GJC1: variants seen among roughly 807,000 people sequenced by gnomAD.
The protein encoded by GJC1 is gap junction gamma-1 protein.
In GJC1, 5 loss-of-function variants were observed where a neutral mutation model predicts 29.3. That is an observed-to-expected ratio of 0.17 (90% CI 0.09 to 0.36). GJC1 has a LOEUF of 0.36. GJC1 is among the 10% of genes least tolerant of loss of function. The pLI, the probability that GJC1 is intolerant of heterozygous loss-of-function variation, is 1.00. For synonymous variants in GJC1, 177 were observed against 183.3 expected, an observed-to-expected ratio of 0.97 and a Z score of 0.28; for missense variants, 310 against 496.2, an observed-to-expected ratio of 0.62 and a Z score of 3.56.
chr17:44,830,807 G>C (rs1020556527), upstream of GJC1: 1 of 397,944 alleles, frequency 2.5e-6, no homozygotes, highest in African/African-American at 2.1e-5. This position sits in a 1 kb window ranked among gnomAD's most constrained non-coding sequence, Gnocchi z 4.3. Context: ...GGGGCTCTTA[G>C]CAGTGCTCTA....
Position 44,801,956 on chromosome 17 carries a change from CA to C in GJC1, c.*2670del, listed in dbSNP as rs1222590765. The C allele has an allele frequency of 6.6e-6, 1 of 152,068 alleles. No individual in the cohort carries two copies. The highest frequency in any genetic ancestry group is 1.5e-5 in the Non-Finnish European group (1 of 68,032). 9.4% of individuals were successfully genotyped at this position (152,068 alleles called of 1,614,324 possible). On this transcript the variant is annotated 3_prime_UTR_variant, in exon 3 of 3. Transcript: ENST00000592524. ...TGTCATTAGGGGAGAATGACTTTGG[CA>C]AACTCATATGCTTCAAAGGCAGAAA...
chr17:44,827,351 A>C (rs1186267519), intron 1 of GJC1, among the ~76,000 whole-genome samples: 5 of 151,758 alleles, frequency 3.3e-5, no homozygotes, highest in African/African-American at 1.2e-4. Context: ...AAACAAACAA[A>C]AAAAAAAAAT....
In GJC1 at chr17:44,804,704, C is replaced by T; in HGVS notation, c.1114G>A (p.Val372Met). ...PHGPREKKAK[V>M]GSKAGSNKST... ...TTGTTGGACCCAGCTTTGGACCCCA[C>T]TTTGGCCTTCTTCTCCCGGGGACCA... Residue 372 changes from valine (V) to methionine (M), a missense_variant, in exon 3 of 3, where the codon GTG becomes ATG. Physicochemically the swap from Val to Met is conservative, Grantham distance 21 (BLOSUM62 1). Around this residue, in one of 4 missense-constraint regions of GJC1, gnomAD observed 146 missense variants for 165.0 expected, o/e 0.88. Coordinates refer to ENST00000592524, the MANE Select transcript of GJC1 (RefSeq NM_005497.4). The T allele has an allele frequency of 1.2e-6, 2 of 1,614,202 alleles. No individual in the cohort carries two copies. The highest frequency in any genetic ancestry group is 1.7e-6 in the Non-Finnish European group (2 of 1,180,036).
chr17:44,830,661 C>G (rs1268140090), upstream of GJC1: 1 of 398,524 alleles, frequency 2.5e-6, no homozygotes, highest in Non-Finnish European at 4.4e-6. This position sits in a 1 kb window ranked among gnomAD's most constrained non-coding sequence, Gnocchi z 4.3. Context: ...GTTGGTTTAG[C>G]GGGCCCAGAG....
In GJC1 at chr17:44,808,747, G is replaced by A. The variant is rs567854613; in HGVS notation, c.-96-1278C>T. Among the ~76,000 whole-genome samples, 8 of 152,152 alleles carry A rather than the reference G, an allele frequency of 5.3e-5. No individual in the cohort carries two copies. The South Asian group carries it at 6.2e-4, about 12-fold the overall frequency. On this transcript the variant is annotated intron_variant, in intron 1 of 2. Transcript: ENST00000592524. ...ACTGCACTCCAGCCTAGGTGACAGC[G>A]AAACCTCAAAAAATAAAGAAGCAAA... is the stretch of plus-strand genomic sequence containing the variant.
At chr17:44,794,683 G>A (rs566411698), downstream of GJC1, 5 of 152,288 alleles carry the variant, frequency 3.3e-5, no homozygotes, top group East Asian at 3.9e-4. Context: ...CCCCATGGTC[G>A]GGTCCCATTC....
At chr17:44,813,695 G>A (rs1269812961) in intron 1 of GJC1, among the ~76,000 whole-genome samples, 1 of 151,828 alleles carries the variant, frequency 6.6e-6, no homozygotes, top group Non-Finnish European at 1.5e-5. Flanking sequence ...GTTTCACCAT[G>A]TTGGCCAGGC....
chr17:44,814,875 G>A (rs372833872), intron 1 of GJC1, among the ~76,000 whole-genome samples: 4 of 151,962 alleles, frequency 2.6e-5, no homozygotes, highest in African/African-American at 9.7e-5. Context: ...CCGGGGGGCG[G>A]AGGTTGCAGT....
At chr17:44,810,581 G>A (rs1353000373) in intron 1 of GJC1, among the ~76,000 whole-genome samples, 1 of 152,016 alleles carries the variant, frequency 6.6e-6, no homozygotes, top group Non-Finnish European at 1.5e-5. Flanking sequence ...AATGAGTATC[G>A]CTACGGTCTA....
At chr17:44,795,246 G>A (rs1250734368), downstream of GJC1, 1 of 152,146 alleles carries the variant, frequency 6.6e-6, no homozygotes, top group Non-Finnish European at 1.5e-5. Context: ...TATTTATTTT[G>A]AGATGGAGTC....
At chr17:44,824,838 G>C (rs2145368282) in intron 1 of GJC1, among the ~76,000 whole-genome samples, 1 of 137,072 alleles carries the variant, frequency 7.3e-6, no homozygotes, top group East Asian at 2.1e-4. Flanking sequence ...TTAGTCAAGT[G>C]CAATAGTGAG....
chr17:44,798,511 A>G lies in GJC1; in HGVS notation c.*6116T>C, dbSNP rs1353013444. On this transcript the variant is annotated 3_prime_UTR_variant, in exon 3 of 3. Transcript: ENST00000592524. ...CCTAGAGACAAGGCCCTGAGCACACAGAGTCCGTCTCCACCATGAAAATAT... is the reference window on the plus strand; with the variant it reads ...CCTAGAGACAAGGCCCTGAGCACACGGAGTCCGTCTCCACCATGAAAATAT... 1 of 152,244 alleles carries G rather than the reference A, an allele frequency of 6.6e-6. No individual in the cohort carries two copies. Among genetic ancestry groups the G allele is most frequent in the Non-Finnish European group, 1.5e-5 (1 of 68,044 alleles). 9.4% of individuals were successfully genotyped at this position (152,244 alleles called of 1,614,324 possible).
At chr17:44,806,318 G>A (rs539673226) in intron 2 of GJC1, among the ~76,000 whole-genome samples, 1 of 151,634 alleles carries the variant, frequency 6.6e-6, no homozygotes, top group Admixed American at 6.6e-5. Context: ...AGTATGGATT[G>A]CTTTCATATC....
At chr17:44,822,643 C>CAAAAAAAAAA (rs11423012) in intron 1 of GJC1, among the ~76,000 whole-genome samples, 25 of 80,236 alleles carry the variant, frequency 3.1e-4, no homozygotes, top group African/African-American at 1.1e-3. Context: ...AACTCCATCT[C>CAAAAAAAAAA]AAAAAAAAAA....
At chr17:44,823,992 G>A (rs2050141911) in intron 1 of GJC1, among the ~76,000 whole-genome samples, 3 of 149,474 alleles carry the variant, frequency 2.0e-5, no homozygotes, top group South Asian at 4.3e-4. Flanking sequence ...ATTACAAGGC[G>A]TGAGTCACTG....
At chr17:44,825,636 G>A (rs907710411) in intron 1 of GJC1, among the ~76,000 whole-genome samples, 3 of 152,050 alleles carry the variant, frequency 2.0e-5, no homozygotes, top group Non-Finnish European at 4.4e-5. Context: ...TTAGCTGGGC[G>A]TGGTGGTGGA....
rs1187918255 is a variant in GJC1 at position 44,799,024 on chromosome 17, C to T, written c.*5603G>A. 6.6e-6 allele frequency: 1 copy of T among 152,166 alleles called. No homozygotes were observed. Among genetic ancestry groups the T allele is most frequent in the African/African-American group, 2.4e-5 (1 of 41,430 alleles). The allele number at this position is 152,166 out of a possible 1,614,324, so 9.4% of individuals were successfully genotyped here. A position where few individuals can be genotyped will look rare whatever the true frequency, so the allele number is the denominator to read the frequency against. ...AGCTGTAAGTACAGGCACGTGCCAC[C>T]ATACCTAATTTTTATATTTTTAGTA... On this transcript the variant is annotated 3_prime_UTR_variant, in exon 3 of 3. Coordinates refer to ENST00000592524, the MANE Select transcript of GJC1 (RefSeq NM_005497.4).
chr17:44,828,104 T>A (rs748156064), intron 1 of GJC1, among the ~76,000 whole-genome samples: 1 of 152,158 alleles, frequency 6.6e-6, no homozygotes, highest in Non-Finnish European at 1.5e-5. Flanking sequence ...AGTGGACTAA[T>A]CAGAAACACA....
intron 1 of GJC1, among the ~76,000 whole-genome samples, chr17:44,828,094 A>G (rs1340428190): frequency 6.6e-6 from 1 of 152,196 alleles, no homozygotes; most frequent in Non-Finnish European, 1.5e-5. Context: ...CCTGGGGGGA[A>G]GTGGACTAAT....
Sources: allele counts gnomAD v4.1 joint callset (sites outside exome capture counted in the v4.1 genomes callset), GRCh38; gene constraint gnomAD v4.1.1; regional missense constraint gnomAD v4.1.1; non-coding constraint Gnocchi (gnomAD v3.1); transcripts MANE v1.5; gene names NCBI Gene and HGNC (gene_info 2026-07-23, HGNC 2026-07-21).